ETV7: variants seen among roughly 807,000 people sequenced by gnomAD.
The protein encoded by ETV7 is transcription factor ETV7.
ETV7 carries 43 observed loss-of-function variants against 39.1 expected under a neutral mutation model. That is an observed-to-expected ratio of 1.10 (90% confidence interval 0.86 to 1.42). ETV7 has a LOEUF of 1.42. Ranked by LOEUF, ETV7 falls within the 40% of genes most tolerant of loss-of-function variation. The probability of loss-of-function intolerance (pLI) is 0.00; values close to 1 mark genes in which losing one functional copy is unlikely to be tolerated. For synonymous variants in ETV7, 196 were observed against 176.6 expected (o/e 1.11, Z -0.87); for missense variants, 432 against 442.3 (o/e 0.98, Z 0.21).
At chr6:36,364,228 C>A (rs910235529), downstream of ETV7, among the ~76,000 whole-genome samples, 2 of 152,254 alleles carry the variant, frequency 1.3e-5, no homozygotes, top group African/African-American at 4.8e-5. Context: ...CGCCGTGAGC[C>A]CGCACTCCTC....
chr6:36,380,089 G>GCCAGCATCTGGCA (rs1232283123), intron 2 of ETV7, among the ~76,000 whole-genome samples: 3 of 152,136 alleles, frequency 2.0e-5, no homozygotes, highest in African/African-American at 7.2e-5. Context: ...CATGTGGCAT[G>GCCAGCATCTGGCA]TGCTTTTTGA....
rs2127385602 is a variant in ETV7, at chr6:36,366,285, C to T, written c.*360G>A. The T allele has an allele frequency of 8.3e-6, 9 of 1,083,988 alleles. No homozygotes were observed. The highest frequency in any genetic ancestry group is 4.2e-4 in the Middle Eastern group (1 of 2,386). The allele number at this position is 1,083,988 out of a possible 1,614,324, so 67.1% of individuals were successfully genotyped here. A position where few individuals can be genotyped will look rare whatever the true frequency, so the allele number is the denominator to read the frequency against. ...CCATTTCCTGCCTCAGCCCATTTCA[C>T]AGGTGAGGAAATCTGAGGCTCAGTG... On this transcript the variant is annotated 3_prime_UTR_variant, in exon 8 of 8. Transcript: ENST00000340181.
At chr6:36,387,508 G>GC in intron 1 of ETV7, 28 bp downstream of exon 1, 1 of 1,613,978 alleles carries the variant, frequency 6.2e-7, no homozygotes, top group Non-Finnish European at 8.5e-7. Flanking sequence ...CTGCGTGCGC[G>GC]CTGCGTGTTC....
Position 36,366,393 on chromosome 6 carries a change from A to G in ETV7, c.*252T>C, listed in dbSNP as rs992872469. On this transcript the variant is annotated 3_prime_UTR_variant, in exon 8 of 8. Coordinates refer to ENST00000340181, the MANE Select transcript of ETV7 (RefSeq NM_016135.4). ...CTATCGGTGCCTGGCTTCCTCTCCC[A>G]GGGGTGCAGTAGGGGAGAGTCCATT... is the stretch of plus-strand genomic sequence containing the variant. The G allele has an allele frequency of 1.4e-5, 19 of 1,312,760 alleles. No homozygotes were observed. The African/African-American group carries it at 2.7e-4, about 18-fold the overall frequency. The allele number at this position is 1,312,760 out of a possible 1,614,324, so 81.3% of individuals were successfully genotyped here. A position where few individuals can be genotyped will look rare whatever the true frequency, so the allele number is the denominator to read the frequency against.
At chr6:36,364,587 A>G (rs1772651440), downstream of ETV7, among the ~76,000 whole-genome samples, 1 of 152,216 alleles carries the variant, frequency 6.6e-6, no homozygotes, top group African/African-American at 2.4e-5. Context: ...CGCCGCGCAC[A>G]GCCCCAGTTC....
Position 36,387,487 on chromosome 6 carries a change from A to G in ETV7, c.6+49T>C, listed in dbSNP as rs771504885. On this transcript the variant is annotated intron_variant, in intron 1 of 7. Transcript: ENST00000340181. ...CTAGGTGGTGAGGAAAGGATGCGGGAGCAGGTGGCTCTGCGTGCGCGCTGC... is the reference window on the plus strand; with the variant it reads ...CTAGGTGGTGAGGAAAGGATGCGGGGGCAGGTGGCTCTGCGTGCGCGCTGC... 2.5e-6 allele frequency: 4 copies of G among 1,613,504 alleles called. No homozygotes were observed. The Admixed American group carries it at 6.7e-5, about 27-fold the overall frequency.
downstream of ETV7, among the ~76,000 whole-genome samples, chr6:36,364,065 C>T (rs1772623410): frequency 6.6e-6 from 1 of 152,178 alleles, no homozygotes; most frequent in Admixed American, 6.5e-5. Context: ...TATTTACAAA[C>T]CTTGAGCTAG....
exon 8 of ETV7, chr6:36,354,498 G>A: frequency 1.9e-6 from 1 of 530,112 alleles, no homozygotes; most frequent in Non-Finnish European, 3.3e-6. Flanking sequence ...AACACTATTT[G>A]TTGAAAAAAC....
chr6:36,384,568 G>C (rs1270729465), intron 2 of ETV7, among the ~76,000 whole-genome samples: 1 of 152,122 alleles, frequency 6.6e-6, no homozygotes. Flanking sequence ...CTCACTATTA[G>C]AAAGTGTTTC....
chr6:36,373,601 G>GGGGGGGGGGGC, intron 3 of ETV7, 23 bp from the exon 4 acceptor site: 8 of 475,612 alleles, frequency 1.7e-5, no homozygotes, highest in Non-Finnish European at 2.4e-5. Context: ...GGGAGGGAGG[G>GGGGGGGGGGGC]CAGGCTGCTG....
Position 36,366,208 on chromosome 6 carries a change from T to G in ETV7, c.*437A>C. On this transcript the variant is annotated 3_prime_UTR_variant, in exon 8 of 8. Coordinates refer to ENST00000340181, the MANE Select transcript of ETV7 (RefSeq NM_016135.4). The stretch of plus-strand genomic sequence containing the variant: ...AGAAAGAAACATCAGCTACCATTGT[T>G]TTTATTGTTACTGAGGCTGTCAGTG... 9.9e-7 allele frequency: 1 copy of G among 1,009,314 alleles called. No individual in the cohort carries two copies. Among genetic ancestry groups the G allele is most frequent in the Non-Finnish European group, 1.2e-6 (1 of 843,572 alleles). 62.5% of individuals were successfully genotyped at this position (1,009,314 alleles called of 1,614,324 possible). A position where few individuals can be genotyped will look rare whatever the true frequency, so the allele number is the denominator to read the frequency against.
chr6:36,384,359 T>G (rs1159720398), intron 2 of ETV7, among the ~76,000 whole-genome samples: 1 of 152,224 alleles, frequency 6.6e-6, no homozygotes, highest in Non-Finnish European at 1.5e-5. Flanking sequence ...CAGGAAGATC[T>G]GGTGACCATC....
chr6:36,365,429 C>T (rs185084082), downstream of ETV7, among the ~76,000 whole-genome samples: 9 of 152,286 alleles, frequency 5.9e-5, no homozygotes, highest in East Asian at 5.8e-4. Context: ...GGAAGCTTTC[C>T]GACAACCCCA....
chr6:36,376,540 G>A (rs745403927), intron 2 of ETV7, among the ~76,000 whole-genome samples: 30 of 152,154 alleles, frequency 2.0e-4, no homozygotes, highest in Admixed American at 2.6e-4. Flanking sequence ...CATTTTGGGA[G>A]GCCGAGGCGG....
intron 2 of ETV7, 99 bp from the exon 3 acceptor site, chr6:36,376,134 C>T: frequency 1.9e-6 from 2 of 1,072,698 alleles, no homozygotes; most frequent in East Asian, 2.6e-5. Flanking sequence ...CCTGTCCTGG[C>T]CCCCAACCCC....
At chr6:36,362,550 A>G (rs560955768), downstream of ETV7, among the ~76,000 whole-genome samples, 1 of 152,320 alleles carries the variant, frequency 6.6e-6, no homozygotes, top group East Asian at 1.9e-4. Context: ...AAATGGATAT[A>G]AACTCAATGC....
rs980532779 is a variant in ETV7, at chr6:36,371,320, T to C, written c.664+10A>G. 6.4e-6 allele frequency: 10 copies of C among 1,571,706 alleles called. No homozygotes were observed. In the Admixed American group the frequency reaches 1.5e-4, roughly 23 times the overall value. Reference sequence around the variant, plus strand: ...ACCTTCCATGGCCAGAGGAACAGCCTCCCACTCACCAGCGATCCTGCCGTC... The same window carrying C: ...ACCTTCCATGGCCAGAGGAACAGCCCCCCACTCACCAGCGATCCTGCCGTC... On this transcript the variant is annotated intron_variant, in intron 5 of 7. Transcript: ENST00000340181.
At chr6:36,376,541 G>A (rs1773361718) in intron 2 of ETV7, among the ~76,000 whole-genome samples, 1 of 152,158 alleles carries the variant, frequency 6.6e-6, no homozygotes, top group Non-Finnish European at 1.5e-5. Context: ...ATTTTGGGAG[G>A]CCGAGGCGGG....
At chr6:36,374,536 G>A (rs1167012478) in intron 3 of ETV7, among the ~76,000 whole-genome samples, 1 of 152,216 alleles carries the variant, frequency 6.6e-6, no homozygotes, top group Non-Finnish European at 1.5e-5. Flanking sequence ...CGAGGACCAG[G>A]AGTGCTTGTA....
Sources: gnomAD v4.1 joint callset for allele counts (sites outside exome capture counted in the v4.1 genomes callset) on GRCh38, gnomAD v4.1.1 for gene constraint, MANE v1.5 for transcripts, NCBI Gene and HGNC (gene_info 2026-07-23, HGNC 2026-07-21) for gene names.